The following APBB1IP variants were observed in gnomAD, a reference collection of about 807,000 sequenced individuals.
APBB1IP encodes amyloid beta A4 precursor protein-binding family B member 1-interacting protein.
APBB1IP carries 27 observed loss-of-function variants against 64.9 expected under a neutral mutation model. The ratio of observed to expected loss-of-function variants is 0.42; its 90% CI spans 0.31 to 0.57. The LOEUF (loss-of-function observed/expected upper bound fraction) is 0.57, where lower values mean the gene tolerates loss of function less well. APBB1IP is among the 20% of genes least tolerant of loss of function. The pLI, the probability that APBB1IP is intolerant of heterozygous loss-of-function variation, is 0.20. For synonymous variants in APBB1IP, 392 were observed against 331.0 expected, an observed-to-expected ratio of 1.18 and a Z score of -2.00; for missense variants, 812 against 845.5, an observed-to-expected ratio of 0.96 and a Z score of 0.49.
intron 2 of APBB1IP, among the ~76,000 whole-genome samples, chr10:26,458,347 C>T (rs901836599): frequency 2.0e-5 from 3 of 151,626 alleles, no homozygotes; most frequent in Non-Finnish European, 2.9e-5. Context: ...AAGATCTTGC[C>T]GTTGCACTCC....
chr10:26,523,567 G>C (rs1455546459), intron 8 of APBB1IP, among the ~76,000 whole-genome samples: 1 of 152,136 alleles, frequency 6.6e-6, no homozygotes, highest in Non-Finnish European at 1.5e-5. Context: ...GTCCACTTTA[G>C]AAAATGGTAC....
At chr10:26,564,873 A>T (rs891043262) in intron 14 of APBB1IP, among the ~76,000 whole-genome samples, 1 of 152,152 alleles carries the variant, frequency 6.6e-6, no homozygotes, top group Non-Finnish European at 1.5e-5. Context: ...TAGAGACCAG[A>T]TGTCCTGTCC....
intron 2 of APBB1IP, among the ~76,000 whole-genome samples, chr10:26,483,766 G>A (rs1835862041): frequency 6.6e-6 from 1 of 152,134 alleles, no homozygotes; most frequent in African/African-American, 2.4e-5. Context: ...AGGCTGGAGT[G>A]CAATAGTGCA....
Position 26,501,099 on chromosome 10 carries a change from A to G in APBB1IP, c.441A>G (p.Glu147=), listed in dbSNP as rs1285911822. Residue 147 remains glutamate (E), a synonymous_variant, in exon 5 of 15, where the codon GAA becomes GAG. Coordinates refer to ENST00000376236, the MANE Select transcript of APBB1IP (RefSeq NM_019043.4). The part of the protein sequence containing the change: ...LDLPLPPPPP[E]PLSQEEEEAQ... ...TTCCACTGCCACCACCACCTCCTGA[A>G]CCTCTCTCTCAGGTAAGTATGTGGG... is the stretch of plus-strand genomic sequence containing the variant. The G allele has an allele frequency of 1.9e-6, 3 of 1,613,842 alleles. No homozygotes were observed. Among genetic ancestry groups the G allele is most frequent in the East Asian group, 4.5e-5 (2 of 44,882 alleles).
intron 2 of APBB1IP, among the ~76,000 whole-genome samples, chr10:26,459,062 T>G (rs1835560080): frequency 6.7e-6 from 1 of 149,934 alleles, no homozygotes. Flanking sequence ...TAGCATTAGG[T>G]ATATCTCCTA....
intron 2 of APBB1IP, among the ~76,000 whole-genome samples, chr10:26,453,509 C>T (rs1048207689): frequency 1.3e-5 from 2 of 152,094 alleles, no homozygotes; most frequent in African/African-American, 4.8e-5. Flanking sequence ...CCTTCCTCCT[C>T]CATCCACTCA....
At chr10:26,455,589 G>A (rs1015985895) in intron 2 of APBB1IP, among the ~76,000 whole-genome samples, 14 of 151,870 alleles carry the variant, frequency 9.2e-5, no homozygotes, top group East Asian at 3.8e-4. Context: ...GTAAAGTTAC[G>A]TGGTTACTGT....
At chr10:26,558,279 G>A (rs1032027182) in intron 11 of APBB1IP, among the ~76,000 whole-genome samples, 1 of 152,028 alleles carries the variant, frequency 6.6e-6, no homozygotes, top group Non-Finnish European at 1.5e-5. Context: ...CCTATGTTTG[G>A]TTGCCGGCCC....
chr10:26,563,679 C>T (rs1000116302), intron 14 of APBB1IP, among the ~76,000 whole-genome samples: 1 of 152,174 alleles, frequency 6.6e-6, no homozygotes, highest in Non-Finnish European at 1.5e-5. Flanking sequence ...AATAGCATAT[C>T]ACCCAGCTAG....
intron 2 of APBB1IP, among the ~76,000 whole-genome samples, chr10:26,451,893 TA>T (rs1175456597): frequency 6.6e-6 from 1 of 152,198 alleles, no homozygotes; most frequent in African/African-American, 2.4e-5. Flanking sequence ...TCACTTGGCT[TA>T]AAACCTTTGA....
chr10:26,506,376 A>T lies in APBB1IP; in HGVS notation c.531+3102A>T, dbSNP rs183083377. Among the ~76,000 whole-genome samples the T allele has an allele frequency of 2.0e-5, 3 of 152,034 alleles. No homozygotes were observed. The East Asian group carries it at 5.8e-4, about 29-fold the overall frequency. On this transcript the variant is annotated intron_variant, in intron 6 of 14. Coordinates refer to ENST00000376236, the MANE Select transcript of APBB1IP (RefSeq NM_019043.4). Reference sequence around the variant, plus strand: ...GATCCTCCCACCCAGCCTCCCAAGTAGCTGAGACTACAGGTATGCACCACC... The same window carrying T: ...GATCCTCCCACCCAGCCTCCCAAGTTGCTGAGACTACAGGTATGCACCACC...
At position 26,541,703 on chromosome 10, in the gene APBB1IP, A is replaced by C; in HGVS notation, c.1155+11A>C. ...TGCTTTGTTTTAAAGGTATGTTATA[A>C]GAAGTCATTCATTTAGATTTATAAG... On this transcript the variant is annotated intron_variant, in intron 11 of 14. Transcript: ENST00000376236. 6.5e-7 allele frequency: 1 copy of C among 1,540,484 alleles called. No homozygotes were observed. Among genetic ancestry groups the C allele is most frequent in the Non-Finnish European group, 8.8e-7 (1 of 1,134,108 alleles).
chr10:26,543,165 T>A (rs1836717369), intron 11 of APBB1IP, among the ~76,000 whole-genome samples: 2 of 151,592 alleles, frequency 1.3e-5, no homozygotes, highest in South Asian at 4.2e-4. Context: ...CATTCAGTCA[T>A]TTAATGTTTG....
At chr10:26,492,212 C>T (rs1342026288) in intron 2 of APBB1IP, 115 bp from the exon 3 acceptor site, 2 of 873,714 alleles carry the variant, frequency 2.3e-6, no homozygotes, top group South Asian at 1.6e-5. Flanking sequence ...ATATAGTCCT[C>T]TCCCAACTTA....
At chr10:26,475,131 T>C (rs1835760788) in intron 2 of APBB1IP, among the ~76,000 whole-genome samples, 1 of 151,340 alleles carries the variant, frequency 6.6e-6, no homozygotes, top group Non-Finnish European at 1.5e-5. Flanking sequence ...TTTCTTTTTT[T>C]TTTTTTTTTG....
At chr10:26,481,745 C>G (rs532563578) in intron 2 of APBB1IP, among the ~76,000 whole-genome samples, 1 of 152,014 alleles carries the variant, frequency 6.6e-6, no homozygotes, top group Non-Finnish European at 1.5e-5. Flanking sequence ...ACCTCTGCCT[C>G]CCAAAGTGCT....
intron 2 of APBB1IP, among the ~76,000 whole-genome samples, chr10:26,439,887 A>G (rs1461221910): frequency 6.6e-6 from 1 of 152,214 alleles, no homozygotes; most frequent in Non-Finnish European, 1.5e-5. Flanking sequence ...GTCCTTTTTC[A>G]TAAACCTAGA....
At chr10:26,498,115 C>G (rs930902324) in intron 4 of APBB1IP, among the ~76,000 whole-genome samples, 1 of 152,130 alleles carries the variant, frequency 6.6e-6, no homozygotes, top group African/African-American at 2.4e-5. Context: ...TAATATACAT[C>G]TTGCGATTTT....
chr10:26,560,601 C>T (rs550325518), intron 12 of APBB1IP, 129 bp from the exon 13 acceptor site: 1 of 612,820 alleles, frequency 1.6e-6, no homozygotes, highest in Non-Finnish European at 2.7e-6. Flanking sequence ...ATCCAAAAAA[C>T]CAACTCAGAC....
Sources: allele counts gnomAD v4.1 joint callset (sites outside exome capture counted in the v4.1 genomes callset), GRCh38; gene constraint gnomAD v4.1.1; transcripts MANE v1.5; gene names NCBI Gene and HGNC (gene_info 2026-07-23, HGNC 2026-07-21).